ATP10B: variants seen among roughly 807,000 people sequenced by gnomAD.
The protein encoded by ATP10B is phospholipid-transporting ATPase VB.
A neutral mutation model predicts 141.2 loss-of-function variants in ATP10B; 122 were observed. The ratio of observed to expected loss-of-function variants is 0.86; its 90% confidence interval spans 0.75 to 1.00. The LOEUF (loss-of-function observed/expected upper bound fraction) is 1.00, where lower values mean the gene tolerates loss of function less well. Among genes scored for constraint, ATP10B ranks in the 50% least tolerant of loss-of-function variants. The pLI is 0.00. For synonymous variants in ATP10B, 685 were observed against 692.0 expected, an observed-to-expected ratio of 0.99 and a Z score of 0.16; for missense variants, 1,876 against 1,825.3, an observed-to-expected ratio of 1.03 and a Z score of -0.51.
chr5:160,915,213 G>T, the ATP10B span, among the ~76,000 whole-genome samples: 1 of 152,194 alleles, frequency 6.6e-6, no homozygotes, highest in Non-Finnish European at 1.5e-5. Flanking sequence ...TGGGGAAGTT[G>T]TTTGAAGGTT....
intron 1 of ATP10B, among the ~76,000 whole-genome samples, chr5:160,835,925 C>G (rs1200950436): frequency 1.3e-5 from 2 of 152,068 alleles, no homozygotes; most frequent in African/African-American, 2.4e-5. Context: ...ATTCTTCGAA[C>G]TTGGTCCCAA....
intron 2 of ATP10B, among the ~76,000 whole-genome samples, chr5:160,727,814 G>T (rs1300066115): frequency 6.6e-6 from 1 of 152,146 alleles, no homozygotes; most frequent in Admixed American, 6.5e-5. Context: ...CTAGCATTAT[G>T]CATTAGCCAG....
chr5:160,808,381 CTG>C lies in ATP10B; in HGVS notation c.-575-22580_-575-22579del, dbSNP rs574985034. ...ATACTTTGAGCATGGCAAGTTGTCT[CTG>C]AGAGTTATCAGAGGATCCTATACCA... is the stretch of plus-strand genomic sequence containing the variant. On this transcript the variant is annotated intron_variant, in intron 1 of 25. Coordinates refer to ENST00000327245, the MANE Select transcript of ATP10B (RefSeq NM_025153.3). Among the ~76,000 whole-genome samples, 530 of 152,274 alleles carry C rather than the reference CTG, an allele frequency of 3.5e-3. 1 individual carries two copies. Among genetic ancestry groups the C allele is most frequent in the African/African-American group, 0.011 (464 of 41,550 alleles).
At chr5:160,715,144 A>C (rs1463451758) in intron 3 of ATP10B, among the ~76,000 whole-genome samples, 21 of 149,628 alleles carry the variant, frequency 1.4e-4, no homozygotes, top group African/African-American at 4.5e-4. Context: ...GGGCTCCACC[A>C]AGTTCGAGGT....
At chr5:160,883,195 T>G in the ATP10B span, among the ~76,000 whole-genome samples, 1 of 152,248 alleles carries the variant, frequency 6.6e-6, no homozygotes, top group African/African-American at 2.4e-5. Context: ...CAAACATCAC[T>G]TGCATATAAA....
intron 1 of ATP10B, among the ~76,000 whole-genome samples, chr5:160,825,475 A>G (rs1774522434): frequency 6.6e-6 from 1 of 152,200 alleles, no homozygotes; most frequent in South Asian, 2.1e-4. Context: ...ACCTTCCACC[A>G]ACATTGTGAG....
At chr5:160,670,403 T>TTGCAATTTTCC in intron 7 of ATP10B, 60 bp downstream of exon 7, 1 of 1,560,494 alleles carries the variant, frequency 6.4e-7, no homozygotes, top group South Asian at 1.1e-5. Flanking sequence ...AATTTTCCAG[T>TTGCAATTTTCC]AGGGTAGGCT....
chr5:160,761,289 G>GTCCACTTCGCTCCCCTGCCAAC (rs1262682984), intron 2 of ATP10B, among the ~76,000 whole-genome samples: 1 of 152,162 alleles, frequency 6.6e-6, no homozygotes, highest in East Asian at 1.9e-4. Flanking sequence ...CTCTCACACA[G>GTCCACTTCGCTCCCCTGCCAAC]TCCACTTCGC....
intron 2 of ATP10B, among the ~76,000 whole-genome samples, chr5:160,753,567 CCTTGG>C (rs1768310281): frequency 6.6e-6 from 1 of 152,038 alleles, no homozygotes; most frequent in Non-Finnish European, 1.5e-5. Context: ...TATTGGGGTT[CCTTGG>C]AAATTCTTAA....
chr5:160,880,413 C>T, the ATP10B span, among the ~76,000 whole-genome samples: 13 of 151,862 alleles, frequency 8.6e-5, no homozygotes, highest in African/African-American at 2.4e-4. Context: ...TTCAAAATTC[C>T]GAGAAGTTCT....
chr5:160,891,379 C>T, the ATP10B span, among the ~76,000 whole-genome samples: 7 of 152,200 alleles, frequency 4.6e-5, no homozygotes, highest in African/African-American at 1.7e-4. Flanking sequence ...TCCTCATTCT[C>T]TCTGACCTTC....
At chr5:160,719,224 C>T (rs1219750051) in intron 2 of ATP10B, among the ~76,000 whole-genome samples, 1 of 152,082 alleles carries the variant, frequency 6.6e-6, no homozygotes, top group Non-Finnish European at 1.5e-5. Flanking sequence ...CATGGTGAAA[C>T]CCTGTCTCTA....
intron 25 of ATP10B, 136 bp downstream of exon 25, chr5:160,569,360 C>A: frequency 3.5e-6 from 3 of 860,906 alleles, no homozygotes; most frequent in Non-Finnish European, 5.4e-6. Context: ...TTCTTTCTGT[C>A]CCATCTCTCT....
chr5:160,911,073 T>C, the ATP10B span, among the ~76,000 whole-genome samples: 13 of 152,194 alleles, frequency 8.5e-5, no homozygotes, highest in African/African-American at 3.1e-4. Context: ...ACAATGCCCA[T>C]TTAAAAAATT....
intron 1 of ATP10B, among the ~76,000 whole-genome samples, chr5:160,819,144 A>T (rs1773913700): frequency 6.6e-6 from 1 of 152,184 alleles, no homozygotes; most frequent in Admixed American, 6.5e-5. Context: ...AATTTAAAGT[A>T]TAATAAAAAT....
At chr5:160,634,661 G>C in intron 11 of ATP10B, 55 bp from the exon 12 acceptor site, 1 of 1,541,346 alleles carries the variant, frequency 6.5e-7, no homozygotes, top group Non-Finnish European at 8.7e-7. Flanking sequence ...CCTCCCTTGG[G>C]ATCCTCACTA....
chr5:160,873,790 T>C, the ATP10B span, among the ~76,000 whole-genome samples: 2 of 152,116 alleles, frequency 1.3e-5, no homozygotes, highest in East Asian at 1.9e-4. Context: ...ACCAGGAAAA[T>C]TGGGTCACTC....
At chr5:160,774,732 TAC>T (rs1561840183) in intron 2 of ATP10B, among the ~76,000 whole-genome samples, 1 of 152,186 alleles carries the variant, frequency 6.6e-6, no homozygotes, top group African/African-American at 2.4e-5. Flanking sequence ...TGCTGGGTGT[TAC>T]GTTTTGCAAG....
rs35866347 is a variant in ATP10B, at chr5:160,798,744, A to ATT, written c.-575-12943_-575-12942dup. Reference sequence around the variant, plus strand: ...GGGTCAAGGAAAAGACTTTTTCTCTATTTTTTTTTTTTTTTTTTTTTTTTG... The same window carrying ATT: ...GGGTCAAGGAAAAGACTTTTTCTCTATTTTTTTTTTTTTTTTTTTTTTTTTTG... On this transcript the variant is annotated intron_variant, in intron 1 of 25. Transcript: ENST00000327245. 5.4e-3 allele frequency among the ~76,000 whole-genome samples: 553 copies of ATT among 102,428 alleles called. 4 individuals carry two copies. The highest frequency in any genetic ancestry group is 0.021 in the South Asian group (64 of 3,026). The allele number at this position is 102,428 out of a possible 152,430, so 67.2% of individuals were successfully genotyped here.
Sources: gnomAD v4.1 joint callset for allele counts (sites outside exome capture counted in the v4.1 genomes callset) on GRCh38, gnomAD v4.1.1 for gene constraint, MANE v1.5 for transcripts, NCBI Gene and HGNC (gene_info 2026-07-23, HGNC 2026-07-21) for gene names.